The following CELF2 variants were observed in gnomAD, a reference collection of about 807,000 sequenced individuals.
The protein encoded by CELF2 is CUG triplet repeat RNA-binding protein 2.
CELF2 carries 8 observed loss-of-function variants against 62.6 expected under a neutral mutation model. That is an observed-to-expected ratio of 0.13 (90% CI 0.07 to 0.23). The LOEUF (loss-of-function observed/expected upper bound fraction) is 0.23. Ranked by LOEUF, CELF2 falls within the 10% of genes least tolerant of loss-of-function variation. The probability of loss-of-function intolerance (pLI) is 1.00; values close to 1 mark genes in which losing one functional copy is unlikely to be tolerated. For synonymous variants in CELF2, 258 were observed against 250.0 expected, an observed-to-expected ratio of 1.03 and a Z score of -0.30; for missense variants, 333 against 671.0, an observed-to-expected ratio of 0.50 and a Z score of 5.56.
At chr10:10,752,739 G>A in the CELF2 span, among the ~76,000 whole-genome samples, 2 of 109,832 alleles carry the variant, frequency 1.8e-5, no homozygotes, top group South Asian at 3.1e-4. Flanking sequence ...ATATTCCAGA[G>A]ATCTAAAAGA....
At chr10:10,520,747 G>A in the CELF2 span, among the ~76,000 whole-genome samples, 24 of 152,112 alleles carry the variant, frequency 1.6e-4, no homozygotes, top group Middle Eastern at 3.4e-3. Flanking sequence ...ATGTAGACCC[G>A]CTAATTAGTA....
At chr10:10,558,973 A>C in the CELF2 span, among the ~76,000 whole-genome samples, 2,295 of 152,300 alleles carry the variant, frequency 0.015, 104 homozygotes, top group East Asian at 0.16. Flanking sequence ...TAATATAAGA[A>C]GATCTCATTA....
chr10:10,828,234 A>G (rs2057568166), intron 1 of CELF2, among the ~76,000 whole-genome samples: 1 of 152,176 alleles, frequency 6.6e-6, no homozygotes, highest in South Asian at 2.1e-4. Context: ...ATTATTCATG[A>G]CAGCATTATT....
At chr10:10,779,915 G>C in the CELF2 span, among the ~76,000 whole-genome samples, 2 of 152,146 alleles carry the variant, frequency 1.3e-5, no homozygotes, top group Non-Finnish European at 2.9e-5. Context: ...AGACCTAAAG[G>C]CATATCAGAT....
chr10:10,528,674 C>A, the CELF2 span, among the ~76,000 whole-genome samples: 2 of 152,138 alleles, frequency 1.3e-5, no homozygotes, highest in Non-Finnish European at 2.9e-5. Flanking sequence ...GCTCATCCTG[C>A]AGAAGTGGTG....
At chr10:10,654,568 G>A in the CELF2 span, among the ~76,000 whole-genome samples, 17,616 of 84,582 alleles carry the variant, frequency 0.21, 2,512 homozygotes, top group Non-Finnish European at 0.3. Flanking sequence ...TTCAATATAC[G>A]CAAATCAATA....
At chr10:11,139,913 C>T (rs2061045607) in intron 1 of CELF2, among the ~76,000 whole-genome samples, 1 of 151,792 alleles carries the variant, frequency 6.6e-6, no homozygotes, top group South Asian at 2.1e-4. Context: ...CCTCTCTCAT[C>T]GGCTCATTTC....
the CELF2 span, among the ~76,000 whole-genome samples, chr10:10,628,353 G>T: frequency 6.6e-6 from 1 of 152,112 alleles, no homozygotes; most frequent in Non-Finnish European, 1.5e-5. Context: ...GGAGACAGAA[G>T]GAAGGGAGAG....
At chr10:11,052,995 T>G (rs1225035653) in intron 1 of CELF2, among the ~76,000 whole-genome samples, 1 of 149,980 alleles carries the variant, frequency 6.7e-6, no homozygotes, top group Non-Finnish European at 1.5e-5. Context: ...ACAGCCTGAG[T>G]TTTTTTTTTA....
At chr10:10,639,398 T>C in the CELF2 span, among the ~76,000 whole-genome samples, 22 of 152,246 alleles carry the variant, frequency 1.4e-4, no homozygotes, top group African/African-American at 5.1e-4. Context: ...GACTTATGCC[T>C]CTTTGAAAAT....
the CELF2 span, among the ~76,000 whole-genome samples, chr10:10,536,022 ATT>A: frequency 1.4e-5 from 2 of 140,216 alleles, no homozygotes; most frequent in African/African-American, 2.6e-5. Flanking sequence ...AAGCTTTTGG[ATT>A]TTTTTTTTTT....
At chr10:10,815,211 G>T (rs2056337169) in intron 1 of CELF2, among the ~76,000 whole-genome samples, 1 of 152,178 alleles carries the variant, frequency 6.6e-6, no homozygotes, top group Non-Finnish European at 1.5e-5. Context: ...TTCTCCCAGG[G>T]TGTCACTGAT....
At chr10:10,584,834 C>T in the CELF2 span, among the ~76,000 whole-genome samples, 1 of 152,152 alleles carries the variant, frequency 6.6e-6, no homozygotes, top group African/African-American at 2.4e-5. Context: ...GGTTGTGAGA[C>T]TAACGAAATG....
chr10:10,955,638 G>A (rs925265459), intron 2 of CELF2, among the ~76,000 whole-genome samples: 9 of 152,156 alleles, frequency 5.9e-5, no homozygotes, highest in Non-Finnish European at 8.8e-5. Context: ...TGAATACTGC[G>A]CCCAGGTCAC....
At chr10:11,222,525 A>C (rs2065166675) in intron 3 of CELF2, among the ~76,000 whole-genome samples, 1 of 152,348 alleles carries the variant, frequency 6.6e-6, no homozygotes, top group East Asian at 1.9e-4. Flanking sequence ...GTCTTGTGCC[A>C]TGCGGGGCAC....
chr10:10,628,251 G>A, the CELF2 span, among the ~76,000 whole-genome samples: 1 of 150,118 alleles, frequency 6.7e-6, no homozygotes, highest in African/African-American at 2.4e-5. Flanking sequence ...ACCCTGAAAG[G>A]CAAAGTCAAA....
the CELF2 span, among the ~76,000 whole-genome samples, chr10:10,564,737 G>A: frequency 4.0e-5 from 6 of 150,152 alleles, no homozygotes; most frequent in Admixed American, 4.0e-4. Flanking sequence ...GCAGCCAAGT[G>A]CCAAAATGCA....
the CELF2 span, among the ~76,000 whole-genome samples, chr10:10,660,352 TG>T: frequency 6.6e-6 from 1 of 152,224 alleles, no homozygotes; most frequent in East Asian, 1.9e-4. Flanking sequence ...AGTGATAGTG[TG>T]TGTTGGAGCA....
intron 1 of CELF2, among the ~76,000 whole-genome samples, chr10:10,896,228 C>G (rs2134004380): frequency 6.6e-6 from 1 of 152,276 alleles, no homozygotes; most frequent in African/African-American, 2.4e-5. Flanking sequence ...AGGAACACCT[C>G]AAGATCCACA....
Sources: gnomAD v4.1 joint callset for allele counts (sites outside exome capture counted in the v4.1 genomes callset) on GRCh38, gnomAD v4.1.1 for gene constraint, MANE v1.5 for transcripts, NCBI Gene and HGNC (gene_info 2026-07-23, HGNC 2026-07-21) for gene names.